Variants in DPP10 observed in about 807,000 individuals in gnomAD.
DPP10 encodes dipeptidyl peptidase like 10, also known as inactive dipeptidyl peptidase 10.
A neutral mutation model predicts 120.9 loss-of-function variants in DPP10; 33 were observed. The observed-to-expected ratio is 0.27, with a 90% confidence interval of 0.21 to 0.37. DPP10 has a LOEUF of 0.37. DPP10 is among the 10% of genes least tolerant of loss of function. DPP10 has a pLI of 1.00. For synonymous variants in DPP10, 337 were observed against 326.1 expected (o/e 1.03, Z -0.36); for missense variants, 816 against 942.8 (o/e 0.87, Z 1.76).
intron 19 of DPP10, among the ~76,000 whole-genome samples, chr2:115,799,238 GAAAACATGTCATACAAGAT>G (rs1684889822): frequency 6.6e-6 from 1 of 151,694 alleles, no homozygotes; most frequent in African/African-American, 2.4e-5. Flanking sequence ...TCATCACATA[GAAAACATGTCATACAAGAT>G]AAATCTATGT....
At chr2:114,457,152 G>C (rs768990501) in intron 1 of DPP10, among the ~76,000 whole-genome samples, 3 of 152,144 alleles carry the variant, frequency 2.0e-5, no homozygotes, top group African/African-American at 2.4e-5. Flanking sequence ...CAGATCCTGC[G>C]TCTGTTGTAT....
At chr2:114,722,006 A>G (rs911340092) in intron 1 of DPP10, among the ~76,000 whole-genome samples, 1 of 152,186 alleles carries the variant, frequency 6.6e-6, no homozygotes, top group African/African-American at 2.4e-5. Flanking sequence ...AGCTTATGTA[A>G]AGGACCCAGA....
intron 3 of DPP10, among the ~76,000 whole-genome samples, chr2:115,462,993 G>C (rs1467962808): frequency 6.6e-6 from 1 of 152,172 alleles, no homozygotes; most frequent in Admixed American, 6.5e-5. Context: ...GCCTCCGAAA[G>C]TGCTGGGATT....
chr2:115,671,776 C>T (rs532951172), intron 5 of DPP10, among the ~76,000 whole-genome samples: 1 of 152,168 alleles, frequency 6.6e-6, no homozygotes, highest in Admixed American at 6.5e-5. Flanking sequence ...TTTTCTTTCT[C>T]TTAGCTAACC....
chr2:115,813,232 C>A (rs1382942616), intron 19 of DPP10, among the ~76,000 whole-genome samples: 1 of 146,696 alleles, frequency 6.8e-6, no homozygotes, highest in African/African-American at 2.7e-5. Flanking sequence ...CCACCCGCCT[C>A]GGCCTGACTG....
At chr2:115,736,180 G>A (rs2149676466) in intron 8 of DPP10, among the ~76,000 whole-genome samples, 1 of 152,240 alleles carries the variant, frequency 6.6e-6, no homozygotes, top group South Asian at 2.1e-4. Flanking sequence ...ATGGGAATAA[G>A]AAGCAAATTG....
Position 115,042,722 on chromosome 2 carries a change from A to C in DPP10, c.61-266517A>C, listed in dbSNP as rs553030253. Among the ~76,000 whole-genome samples the C allele has an allele frequency of 2.0e-4, 30 of 152,352 alleles. No individual in the cohort carries two copies. The South Asian group carries it at 4.8e-3, about 24-fold the overall frequency. On this transcript the variant is annotated intron_variant, in intron 1 of 25. Coordinates refer to ENST00000410059, the MANE Select transcript of DPP10 (RefSeq NM_020868.6). ...AGAGCAGAGGGTCACAAATAGAACT[A>C]GCGTTCTCCTCAAGCCATCTTGATC...
intron 1 of DPP10, among the ~76,000 whole-genome samples, chr2:114,521,689 G>A (rs888953044): frequency 1.3e-5 from 2 of 151,752 alleles, no homozygotes; most frequent in African/African-American, 2.4e-5. Flanking sequence ...CTGATGAATA[G>A]AAAGTCTGTG....
chr2:114,836,158 CT>C (rs1378127433), intron 1 of DPP10, among the ~76,000 whole-genome samples: 1 of 152,174 alleles, frequency 6.6e-6, no homozygotes, highest in African/African-American at 2.4e-5. Context: ...AAAGATTTTC[CT>C]GAATTCCCAC....
intron 4 of DPP10, among the ~76,000 whole-genome samples, chr2:115,503,506 C>T (rs960553947): frequency 6.6e-6 from 1 of 152,012 alleles, no homozygotes; most frequent in South Asian, 2.1e-4. Context: ...ACAAAGGCAC[C>T]GACAATTGTA....
At chr2:115,377,380 C>T (rs2065894658) in intron 3 of DPP10, among the ~76,000 whole-genome samples, 1 of 152,098 alleles carries the variant, frequency 6.6e-6, no homozygotes, top group African/African-American at 2.4e-5. Flanking sequence ...ATGTCCTTCA[C>T]CCACTTTTTG....
intron 1 of DPP10, among the ~76,000 whole-genome samples, chr2:114,788,138 T>C (rs547847910): frequency 6.6e-6 from 1 of 152,324 alleles, no homozygotes; most frequent in East Asian, 1.9e-4. Flanking sequence ...GTGCTGATAT[T>C]CTATTATTTT....
At chr2:114,655,381 T>A (rs971246664) in intron 1 of DPP10, among the ~76,000 whole-genome samples, 2 of 152,210 alleles carry the variant, frequency 1.3e-5, no homozygotes, top group African/African-American at 4.8e-5. Flanking sequence ...AAATTTCTGT[T>A]TGGCTTCAGC....
rs1030040609 is a variant in DPP10, at chr2:115,737,560, T to C, written c.698-2179T>C. On this transcript the variant is annotated intron_variant, in intron 8 of 25. Coordinates refer to ENST00000410059, the MANE Select transcript of DPP10 (RefSeq NM_020868.6). Reference sequence around the variant, plus strand: ...CTCCACACAGCATCTCTATTTGCCATGGGCACTGACATTGCCATTGGATCT... The same window carrying C: ...CTCCACACAGCATCTCTATTTGCCACGGGCACTGACATTGCCATTGGATCT... Among the ~76,000 whole-genome samples the C allele has an allele frequency of 3.3e-5, 5 of 152,152 alleles. No individual in the cohort carries two copies. In the East Asian group the frequency reaches 7.7e-4, roughly 24 times the overall value.
intron 1 of DPP10, among the ~76,000 whole-genome samples, chr2:114,940,078 T>C (rs1696779117): frequency 6.6e-6 from 1 of 152,290 alleles, no homozygotes; most frequent in East Asian, 1.9e-4. Flanking sequence ...TGCCAACTTC[T>C]TTAAGTCTGT....
chr2:114,925,633 A>G (rs1003854196), intron 1 of DPP10, among the ~76,000 whole-genome samples: 2 of 152,198 alleles, frequency 1.3e-5, no homozygotes, highest in Non-Finnish European at 2.9e-5. Context: ...TAAACCAGCT[A>G]TGAAATGGCA....
In DPP10 at chr2:115,158,242, C is replaced by T. The variant is rs115192240; in HGVS notation, c.61-150997C>T. On this transcript the variant is annotated intron_variant, in intron 1 of 25. Coordinates refer to ENST00000410059, the MANE Select transcript of DPP10 (RefSeq NM_020868.6). ...TGCCACAGATACCAAAACACTATAACGATAATCTTCAATTAATCCAATTAT... is the reference window on the plus strand; with the variant it reads ...TGCCACAGATACCAAAACACTATAATGATAATCTTCAATTAATCCAATTAT... Among the ~76,000 whole-genome samples the T allele has an allele frequency of 3.6e-3, 551 of 152,250 alleles. 2 individuals are homozygous for T. Among genetic ancestry groups the T allele is most frequent in the African/African-American group, 0.013 (527 of 41,542 alleles).
chr2:115,821,497 AAG>A (rs746239824), intron 21 of DPP10, among the ~76,000 whole-genome samples: 4 of 152,072 alleles, frequency 2.6e-5, no homozygotes, highest in Non-Finnish European at 4.4e-5. Flanking sequence ...TTTAAACAAA[AAG>A]AGAGAGAGAG....
chr2:115,556,254 C>G (rs2080203307), intron 5 of DPP10, among the ~76,000 whole-genome samples: 1 of 151,630 alleles, frequency 6.6e-6, no homozygotes, highest in South Asian at 2.1e-4. Context: ...CTAGATCAAA[C>G]TTGGTCAATC....
Sources: gnomAD v4.1 joint callset for allele counts (sites outside exome capture counted in the v4.1 genomes callset) on GRCh38, gnomAD v4.1.1 for gene constraint, MANE v1.5 for transcripts, NCBI Gene and HGNC (gene_info 2026-07-23, HGNC 2026-07-21) for gene names.